ACTG2: variants seen among roughly 807,000 people sequenced by gnomAD.
ACTG2 encodes the protein actin, gamma-enteric smooth muscle.
A neutral mutation model predicts 37.6 loss-of-function variants in ACTG2; 16 were observed. That is an observed-to-expected ratio of 0.43 (90% confidence interval 0.29 to 0.65). The LOEUF is 0.65. Ranked by LOEUF, ACTG2 falls within the 30% of genes least tolerant of loss-of-function variation. The pLI, the probability that ACTG2 is intolerant of heterozygous loss-of-function variation, is 0.18. For missense variants in ACTG2, 238 were observed against 490.9 expected, an observed-to-expected ratio of 0.48 and a Z score of 4.87; for synonymous variants, 181 against 179.9, an observed-to-expected ratio of 1.01 and a Z score of -0.05.
chr2:73,919,587 G>A lies in ACTG2; in HGVS notation c.*12G>A, dbSNP rs748635842. The A allele has an allele frequency of 1.2e-6, 2 of 1,612,954 alleles. No individual in the cohort carries two copies. The highest frequency in any genetic ancestry group is 1.7e-5 in the Admixed American group (1 of 59,758). On this transcript the variant is annotated 3_prime_UTR_variant, in exon 9 of 9. Transcript: ENST00000345517. ...GGAAGTGCTTCTAAAGTCAGAACAGGTTCTCCAAGGATCCCCTCGAGACTA... is the reference window on the plus strand; with the variant it reads ...GGAAGTGCTTCTAAAGTCAGAACAGATTCTCCAAGGATCCCCTCGAGACTA...
intron 5 of ACTG2, among the ~76,000 whole-genome samples, chr2:73,909,865 T>C (rs1680092518): frequency 1.3e-5 from 2 of 152,174 alleles, no homozygotes; most frequent in African/African-American, 4.8e-5. Flanking sequence ...AAAATGTTAC[T>C]GTGTACTACT....
At chr2:73,895,581 C>T (rs931721651) in intron 1 of ACTG2, among the ~76,000 whole-genome samples, 2 of 152,200 alleles carry the variant, frequency 1.3e-5, no homozygotes, top group Admixed American at 1.3e-4. Context: ...CTGTCGCCAA[C>T]TATTGTTTGA....
intron 3 of ACTG2, chr2:73,902,791 T>C: frequency 6.5e-7 from 1 of 1,539,464 alleles, no homozygotes; most frequent in African/African-American, 1.4e-5. Context: ...ACTCACCTCC[T>C]CAGAAATCTT....
chr2:73,893,797 C>T (rs1308592393), intron 1 of ACTG2, among the ~76,000 whole-genome samples: 3 of 152,090 alleles, frequency 2.0e-5, no homozygotes, highest in East Asian at 3.9e-4. Context: ...GTCATTACTC[C>T]CCCCAACCCA....
At chr2:73,912,085 A>G (rs1439454385) in intron 5 of ACTG2, among the ~76,000 whole-genome samples, 4 of 152,228 alleles carry the variant, frequency 2.6e-5, no homozygotes, top group African/African-American at 9.6e-5. Context: ...ATTTCACTGC[A>G]TGTGATAAGG....
At chr2:73,907,588 C>T (rs1680041791) in intron 3 of ACTG2, among the ~76,000 whole-genome samples, 1 of 152,172 alleles carries the variant, frequency 6.6e-6, no homozygotes, top group Admixed American at 6.5e-5. Flanking sequence ...CTCAAGCGAT[C>T]CTCCTGCCCC....
chr2:73,915,121 G>C (rs73950313), intron 7 of ACTG2, among the ~76,000 whole-genome samples: 3,375 of 152,146 alleles, frequency 0.022, 122 homozygotes, highest in African/African-American at 0.077. Context: ...ACTTAAGAAT[G>C]AGGTTAAAAC....
At chr2:73,898,945 G>C (rs1483590172) in intron 1 of ACTG2, among the ~76,000 whole-genome samples, 1 of 151,552 alleles carries the variant, frequency 6.6e-6, no homozygotes, top group Non-Finnish European at 1.5e-5. Context: ...TGGGACTACA[G>C]GCGCCCGCCA....
intron 1 of ACTG2, among the ~76,000 whole-genome samples, chr2:73,900,567 C>A (rs887249438): frequency 6.6e-6 from 1 of 152,106 alleles, no homozygotes; most frequent in Non-Finnish European, 1.5e-5. Context: ...CATGGAGTCC[C>A]TTCTTTTCCT....
intron 5 of ACTG2, among the ~76,000 whole-genome samples, chr2:73,910,032 C>T (rs1194664763): frequency 6.6e-6 from 1 of 151,952 alleles, no homozygotes; most frequent in Non-Finnish European, 1.5e-5. Flanking sequence ...CTGGCCAACA[C>T]GGTGAAACCC....
rs760595928 is a variant in ACTG2 at position 73,902,874 on chromosome 2, A to G, written c.255+386A>G. 1.5e-5 allele frequency: 16 copies of G among 1,083,030 alleles called. No individual in the cohort carries two copies. The African/African-American group carries it at 1.9e-4, about 13-fold the overall frequency. 67.1% of individuals were successfully genotyped at this position (1,083,030 alleles called of 1,614,324 possible). ...GCATTGGAGGACCTTTCCCTGCCTG[A>G]TCCCCGCGATCATCTTTTCCTGCAA... On this transcript the variant is annotated intron_variant, in intron 3 of 8. Coordinates refer to ENST00000345517, the MANE Select transcript of ACTG2 (RefSeq NM_001615.4).
chr2:73,913,775 C>A, intron 6 of ACTG2, 129 bp downstream of exon 6: 1 of 788,558 alleles, frequency 1.3e-6, no homozygotes, highest in Non-Finnish European at 2.0e-6. Context: ...ACTGAGAGGC[C>A]TTAAGCTGGG....
chr2:73,904,759 GTGTGTGTGTGTGTGTGTGTATATATATA>G (rs1403200410), intron 3 of ACTG2, among the ~76,000 whole-genome samples: 5 of 55,514 alleles, frequency 9.0e-5, no homozygotes, highest in Non-Finnish European at 1.3e-4. Context: ...GTGTGTGTGT[GTGTGTGTGTGTGTGTGTGTATATATATA>G]TATATATATA....
intron 1 of ACTG2, chr2:73,897,215 A>G (rs831540): frequency 0.75 from 113,628 of 152,192 alleles, 42,940 homozygotes; most frequent in Admixed American, 0.82. Flanking sequence ...CTTTGGAAAC[A>G]AAATTCCAGG....
chr2:73,902,533 C>T (rs1013083557), intron 3 of ACTG2, 45 bp downstream of exon 3: 4 of 1,611,140 alleles, frequency 2.5e-6, no homozygotes, highest in Non-Finnish European at 3.4e-6. Flanking sequence ...AATGATCACC[C>T]ATCATCATGA....
chr2:73,901,955 G>A lies in ACTG2; in HGVS notation c.127-405G>A, dbSNP rs991558163. ...AATAAGAAGGATTTCAGCAGGTGGA[G>A]AGAATAGCAAAGATTTGGAGATCTA... On this transcript the variant is annotated intron_variant, in intron 2 of 8. Transcript: ENST00000345517. 1.5e-5 allele frequency: 3 copies of A among 202,816 alleles called. No homozygotes were observed. The East Asian group carries it at 4.1e-4, about 28-fold the overall frequency. The allele number at this position is 202,816 out of a possible 1,614,324, so 12.6% of individuals were successfully genotyped here.
intron 5 of ACTG2, among the ~76,000 whole-genome samples, chr2:73,911,255 A>G (rs1344944069): frequency 1.3e-5 from 2 of 152,160 alleles, no homozygotes; most frequent in Non-Finnish European, 2.9e-5. Context: ...GCACTTTGGG[A>G]GGCCGAGGTG....
At chr2:73,916,168 G>C (rs926387412) in intron 7 of ACTG2, among the ~76,000 whole-genome samples, 1 of 152,120 alleles carries the variant, frequency 6.6e-6, no homozygotes, top group African/African-American at 2.4e-5. Flanking sequence ...ACAAGGTCAG[G>C]AGATGGAGAC....
chr2:73,904,766 T>TAC (rs1322330374), intron 3 of ACTG2, among the ~76,000 whole-genome samples: 5 of 57,112 alleles, frequency 8.8e-5, no homozygotes, highest in African/African-American at 4.1e-4. Context: ...TGTGTGTGTG[T>TAC]GTGTGTGTGT....
Sources: gnomAD v4.1 joint callset for allele counts (sites outside exome capture counted in the v4.1 genomes callset) on GRCh38, gnomAD v4.1.1 for gene constraint, MANE v1.5 for transcripts, NCBI Gene and HGNC (gene_info 2026-07-23, HGNC 2026-07-21) for gene names.